The following FAM3C variants were observed in gnomAD, a reference collection of about 807,000 sequenced individuals.
FAM3C encodes protein FAM3C.
Under a neutral mutation model 32.5 loss-of-function variants are expected in FAM3C, and 15 were observed. That is an observed-to-expected ratio of 0.46 (90% CI 0.31 to 0.71). FAM3C has a LOEUF of 0.71. Among genes scored for constraint, FAM3C ranks in the 30% least tolerant of loss-of-function variants. The pLI is 0.05. For synonymous variants in FAM3C, 75 were observed against 86.1 expected (o/e 0.87, Z 0.72); for missense variants, 175 against 274.4 (o/e 0.64, Z 2.56).
intron 3 of FAM3C, among the ~76,000 whole-genome samples, chr7:121,375,092 G>A (rs554994090): frequency 6.6e-6 from 1 of 151,806 alleles, no homozygotes; most frequent in South Asian, 2.1e-4. Flanking sequence ...ACAGGAAAAA[G>A]AGGAAAAAAA....
chr7:121,374,926 A>G (rs1377949827), intron 3 of FAM3C, among the ~76,000 whole-genome samples: 1 of 152,184 alleles, frequency 6.6e-6, no homozygotes, highest in African/African-American at 2.4e-5. Flanking sequence ...CACTTTGGAA[A>G]TACTCTTCCT....
At chr7:121,387,501 A>G (rs530848265) in intron 1 of FAM3C, among the ~76,000 whole-genome samples, 13 of 152,218 alleles carry the variant, frequency 8.5e-5, no homozygotes, top group African/African-American at 3.1e-4. Context: ...AAACATTTTC[A>G]TAATCTGCTC....
chr7:121,359,499 T>C (rs1793878908), intron 8 of FAM3C, among the ~76,000 whole-genome samples: 1 of 152,066 alleles, frequency 6.6e-6, no homozygotes, highest in African/African-American at 2.4e-5. Flanking sequence ...AACTAAAATA[T>C]CATCAATGTT....
chr7:121,350,623 C>G (rs1034649682), intron 9 of FAM3C, 73 bp from the exon 10 acceptor site: 2 of 1,456,290 alleles, frequency 1.4e-6, no homozygotes, highest in African/African-American at 2.8e-5. Flanking sequence ...ACATTTTACA[C>G]ACTTCTCATT....
chr7:121,373,071 GA>G (rs1170685179), intron 3 of FAM3C, among the ~76,000 whole-genome samples: 1 of 152,092 alleles, frequency 6.6e-6, no homozygotes, highest in Non-Finnish European at 1.5e-5. Context: ...TAATAACATT[GA>G]AAAAGCTTAA....
intron 8 of FAM3C, among the ~76,000 whole-genome samples, chr7:121,351,861 G>C (rs1373056886): frequency 1.3e-5 from 2 of 152,150 alleles, no homozygotes; most frequent in African/African-American, 4.8e-5. Context: ...GCAGGAGGTG[G>C]AGCAGTGACA....
At chr7:121,375,848 T>A (rs1342955114) in intron 3 of FAM3C, among the ~76,000 whole-genome samples, 2 of 152,238 alleles carry the variant, frequency 1.3e-5, no homozygotes, top group African/African-American at 4.8e-5. Context: ...GTTCAGTCTC[T>A]TCGCATTCAT....
chr7:121,389,442 A>T (rs546841419), intron 1 of FAM3C, among the ~76,000 whole-genome samples: 1 of 152,242 alleles, frequency 6.6e-6, no homozygotes, highest in East Asian at 1.9e-4. Context: ...CCTAAAAAAG[A>T]TATTTTGTTT....
chr7:121,390,362 C>T (rs879901974), intron 1 of FAM3C, among the ~76,000 whole-genome samples: 3 of 152,226 alleles, frequency 2.0e-5, no homozygotes, highest in Non-Finnish European at 4.4e-5. Context: ...CTTCTAACCT[C>T]CAGGTTGTCC....
Position 121,394,223 on chromosome 7 carries a change from AAT to A in FAM3C, c.-42+1937_-42+1938del, listed in dbSNP as rs1352691596. Among the ~76,000 whole-genome samples, 6 of 152,302 alleles carry A rather than the reference AAT, an allele frequency of 3.9e-5. No homozygotes were observed. In the East Asian group the frequency reaches 1.2e-3, roughly 29 times the overall value. On this transcript the variant is annotated intron_variant, in intron 1 of 9. Coordinates refer to ENST00000359943, the MANE Select transcript of FAM3C (RefSeq NM_014888.3). ...TCAAAACCTAAAATATATGGTGGAA[AAT>A]ATATGAGTCTTCTGATACCCCCTCA...
intron 1 of FAM3C, among the ~76,000 whole-genome samples, chr7:121,388,164 G>A (rs1200622593): frequency 6.6e-6 from 1 of 151,792 alleles, no homozygotes; most frequent in Non-Finnish European, 1.5e-5. Flanking sequence ...TTACTAACTT[G>A]AGAAAGTATT....
chr7:121,381,319 A>G (rs748129839), intron 2 of FAM3C, among the ~76,000 whole-genome samples: 3 of 152,200 alleles, frequency 2.0e-5, no homozygotes, highest in Admixed American at 6.5e-5. Context: ...ATTTTTTTAA[A>G]AAAATTAGAA....
chr7:121,376,265 C>T (rs1000875060), intron 3 of FAM3C, among the ~76,000 whole-genome samples: 2 of 152,118 alleles, frequency 1.3e-5, no homozygotes, highest in Admixed American at 6.5e-5. Flanking sequence ...GGAAAATAAC[C>T]AGTTTATCAA....
intron 1 of FAM3C, among the ~76,000 whole-genome samples, chr7:121,389,575 C>A (rs1292625539): frequency 6.6e-6 from 1 of 152,100 alleles, no homozygotes; most frequent in Non-Finnish European, 1.5e-5. Flanking sequence ...ACCCAATATG[C>A]CACTACAGCA....
chr7:121,351,586 G>T, intron 8 of FAM3C: 1 of 229,474 alleles, frequency 4.4e-6, no homozygotes, highest in South Asian at 1.2e-4. Context: ...GTTAGTAGAT[G>T]CCTATCCAGG....
intron 3 of FAM3C, among the ~76,000 whole-genome samples, chr7:121,375,890 A>G (rs576373874): frequency 5.8e-4 from 89 of 152,334 alleles, no homozygotes; most frequent in South Asian, 2.3e-3. Context: ...TCCAAGGCCT[A>G]TAGACAAGTG....
chr7:121,366,287 C>G (rs938857679), intron 5 of FAM3C, among the ~76,000 whole-genome samples: 1 of 152,090 alleles, frequency 6.6e-6, no homozygotes. Context: ...GGAAACAACT[C>G]AAATGTCTAC....
At chr7:121,383,154 AAAT>A in intron 1 of FAM3C, 144 bp from the exon 2 acceptor site, 1 of 535,532 alleles carries the variant, frequency 1.9e-6, no homozygotes, top group Non-Finnish European at 3.2e-6. Context: ...AAAAAAAAAA[AAAT>A]GGGCCTGTCT....
At chr7:121,381,656 C>CCACACACACACACA (rs67277678) in intron 2 of FAM3C, among the ~76,000 whole-genome samples, 400 of 142,328 alleles carry the variant, frequency 2.8e-3, no homozygotes, top group Admixed American at 4.3e-3. Context: ...CAAAGAACAT[C>CCACACACACACACA]CACACACACA....
Sources: gnomAD v4.1 joint callset for allele counts (sites outside exome capture counted in the v4.1 genomes callset) on GRCh38, gnomAD v4.1.1 for gene constraint, MANE v1.5 for transcripts, NCBI Gene and HGNC (gene_info 2026-07-23, HGNC 2026-07-21) for gene names.